The following CELA3B variants were observed in gnomAD, a reference collection of about 807,000 sequenced individuals.
CELA3B encodes chymotrypsin like elastase 3B, also known as chymotrypsin-like elastase family member 3B.
A neutral mutation model predicts 37.2 loss-of-function variants in CELA3B; 34 were observed. The observed-to-expected ratio is 0.91, with a 90% confidence interval of 0.70 to 1.22. CELA3B has a LOEUF of 1.22. Ranked by LOEUF, CELA3B falls within the 50% of genes most tolerant of loss-of-function variation. The pLI is 0.00. For synonymous variants in CELA3B, 127 were observed against 143.5 expected (o/e 0.89, Z 0.82); for missense variants, 340 against 363.1 (o/e 0.94, Z 0.52).
At chr1:21,998,097 C>T (rs1644898637) in intron 4 of CELA3B, 1 of 468,848 alleles carries the variant, frequency 2.1e-6, no homozygotes, top group Non-Finnish European at 4.4e-6. Context: ...TCCCTTAAGT[C>T]TAAGGTATTT....
chr1:21,982,237 G>A (rs1350564275), intron 4 of CELA3B, among the ~76,000 whole-genome samples: 2 of 152,134 alleles, frequency 1.3e-5, no homozygotes, highest in African/African-American at 4.8e-5. Context: ...ACGCAGGCAG[G>A]TGAAGACAGA....
rs189942498 is a variant in CELA3B at position 21,986,295 on chromosome 1, G to C, written c.643-236G>C. Among the ~76,000 whole-genome samples, 218 of 151,994 alleles carry C rather than the reference G, an allele frequency of 1.4e-3. 7 individuals are homozygous for C. The East Asian group carries it at 0.023, about 16-fold the overall frequency. ...GAAGCAGGAGAAACACTTGAACCTG[G>C]GAGCCGGGAGACGGAGGTTGCAATG... On this transcript the variant is annotated intron_variant, in intron 6 of 7. Coordinates refer to ENST00000337107, the MANE Select transcript of CELA3B (RefSeq NM_007352.4).
chr1:21,983,663 C>A, intron 4 of CELA3B, 31 bp from the exon 5 acceptor site: 2 of 1,607,492 alleles, frequency 1.2e-6, no homozygotes, highest in Non-Finnish European at 1.7e-6. Context: ...GGCTGGAGGA[C>A]CAGGCCCCGT....
At position 21,980,736 on chromosome 1, in the gene CELA3B, T is replaced by G. The variant is rs1021457318; in HGVS notation, c.130-88T>G. ...TCCGTGTGAATGGCGCCCTCTAGAG[T>G]TGCACAGTGCACAACCTATACAGCC... On this transcript the variant is annotated intron_variant, in intron 2 of 7. Coordinates refer to ENST00000337107, the MANE Select transcript of CELA3B (RefSeq NM_007352.4). 2.7e-5 allele frequency: 25 copies of G among 923,214 alleles called. No homozygotes were observed. In the Admixed American group the frequency reaches 4.7e-4, roughly 17 times the overall value. The allele number at this position is 923,214 out of a possible 1,614,324, so 57.2% of individuals were successfully genotyped here.
intron 4 of CELA3B, among the ~76,000 whole-genome samples, chr1:21,997,098 G>A (rs958178649): frequency 6.6e-6 from 1 of 151,282 alleles, no homozygotes; most frequent in African/African-American, 2.4e-5. Context: ...GGTGGCTCAC[G>A]CCTGTAATCC....
chr1:21,993,194 C>T (rs1425995776), downstream of CELA3B, among the ~76,000 whole-genome samples: 1 of 151,338 alleles, frequency 6.6e-6, no homozygotes, highest in African/African-American at 2.4e-5. Flanking sequence ...GGCACTGTGA[C>T]TCATGCCTGT....
intron 1 of CELA3B, among the ~76,000 whole-genome samples, chr1:21,977,702 G>A (rs1395456678): frequency 6.6e-6 from 1 of 151,992 alleles, no homozygotes; most frequent in Non-Finnish European, 1.5e-5. Context: ...TAGAACAAAA[G>A]GCAGAGCTGC....
chr1:21,983,723 G>T lies in CELA3B; in HGVS notation c.392G>T (p.Arg131Leu). ...GACATCGCCCTCATCAAGCTCTCAC[G>T]CAGCGCCCAGCTGGGAGACGCCGTC... ...GNDIALIKLS[R>L]SAQLGDAVQL... Residue 131 changes from arginine (R) to leucine (L), a missense_variant, in exon 5 of 8, where the codon CGC becomes CTC. Coordinates refer to ENST00000337107, the MANE Select transcript of CELA3B (RefSeq NM_007352.4). The T allele has an allele frequency of 1.9e-6, 3 of 1,614,072 alleles. No individual in the cohort carries two copies. Among genetic ancestry groups the T allele is most frequent in the Non-Finnish European group, 2.5e-6 (3 of 1,180,014 alleles).
rs1644776283 is a variant in CELA3B, at chr1:21,977,053, T to C, written c.14T>C (p.Leu5Pro). 6.2e-7 allele frequency: 1 copy of C among 1,614,202 alleles called. No individual in the cohort carries two copies. The highest frequency in any genetic ancestry group is 1.1e-5 in the South Asian group (1 of 91,084). The change falls in exon 1 of 8, where the codon CTG (leucine) becomes CCG (proline). Residue 5 changes from leucine to proline, a missense_variant. Physicochemically the swap from Leu to Pro is moderately conservative, Grantham distance 98. Coordinates refer to ENST00000337107, the MANE Select transcript of CELA3B (RefSeq NM_007352.4). The part of the protein sequence containing the change: MMLR[L>P]LSSLLLVAVA... ...ATCGCAAAACTCATGATGCTCCGGC[T>C]GCTCAGTTCCCTCCTCCTTGTGGCC...
At chr1:21,987,005 G>C in intron 7 of CELA3B, 2 of 397,082 alleles carry the variant, frequency 5.0e-6, no homozygotes, top group South Asian at 4.2e-5. Flanking sequence ...TGCCTGGTGG[G>C]GGACAGGTGA....
At chr1:21,993,461 C>CAAA (rs58752734), downstream of CELA3B, among the ~76,000 whole-genome samples, 13 of 81,568 alleles carry the variant, frequency 1.6e-4, no homozygotes, top group Non-Finnish European at 2.6e-4. Flanking sequence ...ACCTCCTCTC[C>CAAA]AAAAAAAAAA....
chr1:21,986,589 G>T lies in CELA3B; in HGVS notation c.701G>T (p.Gly234Val), dbSNP rs750643273. Residue 234 changes from glycine (G) to valine (V), a missense_variant, in exon 7 of 8, where the codon GGC becomes GTC. Transcript: ENST00000337107. The part of the protein sequence containing the change: ...PTEDGGWQVH[G>V]VTSFVSAFGC... ...GAGGATGGTGGCTGGCAGGTCCATG[G>T]CGTGACCAGCTTTGTTTCTGCCTTT... 1 of 1,614,000 alleles carries T rather than the reference G, an allele frequency of 6.2e-7. No homozygotes were observed. Among genetic ancestry groups the T allele is most frequent in the Non-Finnish European group, 8.5e-7 (1 of 1,180,038 alleles).
chr1:21,996,989 T>G lies in CELA3B; in HGVS notation c.505-1162T>G, dbSNP rs575062589. ...AGATCAGAATCCGGTTTTTAAGAAT[T>G]TATTCCAGCAAAAATCTGAGAATAG... On this transcript the variant is annotated intron_variant, in intron 4 of 4. Coordinates refer to the CELA3B transcript ENST00000400277. Among the ~76,000 whole-genome samples, 5 of 151,418 alleles carry G rather than the reference T, an allele frequency of 3.3e-5. 1 individual carries two copies. In the East Asian group the frequency reaches 9.8e-4, roughly 30 times the overall value.
chr1:21,992,206 G>A (rs1394779845), downstream of CELA3B, among the ~76,000 whole-genome samples: 1 of 151,570 alleles, frequency 6.6e-6, no homozygotes, highest in Non-Finnish European at 1.5e-5. Flanking sequence ...TGTGTCCCAT[G>A]TTCACTGTGG....
At chr1:21,986,356 A>G (rs78255182) in intron 6 of CELA3B, among the ~76,000 whole-genome samples, 175 bp from the exon 7 acceptor site, 3,499 of 151,070 alleles carry the variant, frequency 0.023, 77 homozygotes, top group Middle Eastern at 0.081. Flanking sequence ...AGCCTGGACA[A>G]GAGAGCGAGA....
rs1180655445 is a variant in CELA3B, at chr1:21,998,340, T to C, written c.*151T>C. ...ACTGAGTGCCCACTGGGTTATATTC[T>C]GGGAGCCGAGGCCACAGCAGTGAAC... On this transcript the variant is annotated 3_prime_UTR_variant, in exon 5 of 5. Coordinates refer to the CELA3B transcript ENST00000400277. The C allele has an allele frequency of 1.0e-5, 4 of 400,692 alleles. 1 individual carries two copies. The highest frequency in any genetic ancestry group is 2.1e-5 in the Non-Finnish European group (4 of 189,844). The allele number at this position is 400,692 out of a possible 1,614,324, so 24.8% of individuals were successfully genotyped here. A position where few individuals can be genotyped will look rare whatever the true frequency, so the allele number is the denominator to read the frequency against.
intron 4 of CELA3B, among the ~76,000 whole-genome samples, chr1:21,982,062 T>C (rs1644809250): frequency 6.6e-6 from 1 of 152,120 alleles, no homozygotes; most frequent in Non-Finnish European, 1.5e-5. Flanking sequence ...CTAAGACTTT[T>C]TTCTCAGAGT....
downstream of CELA3B, among the ~76,000 whole-genome samples, chr1:21,991,883 G>A (rs946530146): frequency 6.6e-6 from 1 of 151,008 alleles, no homozygotes; most frequent in African/African-American, 2.5e-5. Context: ...ACTTTGGGAG[G>A]CTGAGGCCAG....
At chr1:21,989,979 G>T (rs1460051863), downstream of CELA3B, among the ~76,000 whole-genome samples, 5 of 150,768 alleles carry the variant, frequency 3.3e-5, no homozygotes, top group Non-Finnish European at 5.9e-5. Context: ...GGCTGGGGAG[G>T]CCTCAGGAAA....
Sources: allele counts gnomAD v4.1 joint callset (sites outside exome capture counted in the v4.1 genomes callset), GRCh38; gene constraint gnomAD v4.1.1; transcripts MANE v1.5; gene names NCBI Gene and HGNC (gene_info 2026-07-23, HGNC 2026-07-21).